The following ERBB4 variants were observed in gnomAD, a reference collection of about 807,000 sequenced individuals.
ERBB4 encodes erb-b2 receptor tyrosine kinase 4.
Under a neutral mutation model 158.0 loss-of-function variants are expected in ERBB4, and 42 were observed. That is an observed-to-expected ratio of 0.27 (90% CI 0.21 to 0.34). The LOEUF (loss-of-function observed/expected upper bound fraction) is 0.34, where lower values mean the gene tolerates loss of function less well. Among genes scored for constraint, ERBB4 ranks in the 10% least tolerant of loss-of-function variants. The pLI is 1.00. For missense variants in ERBB4, 1,333 were observed against 1,624.1 expected (o/e 0.82, Z 3.08); for synonymous variants, 583 against 558.7 (o/e 1.04, Z -0.61).
In ERBB4 at chr2:211,713,668, AGG is replaced by A; in HGVS notation, c.884-22_884-21del. On this transcript the variant is annotated intron_variant, in intron 7 of 27. Transcript: ENST00000342788. ...AGTTATCTGATTAAAAAAAAAAAAA[AGG>A]TAAAATAAGCATTAATGTTAACATT... is the stretch of plus-strand genomic sequence containing the variant. 2.5e-5 allele frequency: 30 copies of A among 1,218,156 alleles called. No homozygotes were observed. Among genetic ancestry groups the A allele is most frequent in the Non-Finnish European group, 3.4e-5 (28 of 830,394 alleles). The allele number at this position is 1,218,156 out of a possible 1,614,324, so 75.5% of individuals were successfully genotyped here.
intron 1 of ERBB4, among the ~76,000 whole-genome samples, chr2:212,395,467 T>C (rs969766594): frequency 6.6e-6 from 1 of 151,958 alleles, no homozygotes; most frequent in Non-Finnish European, 1.5e-5. Context: ...ATCATGATGA[T>C]GAATTCACCT....
At chr2:211,959,837 C>T (rs1452581549) in intron 2 of ERBB4, among the ~76,000 whole-genome samples, 3 of 152,092 alleles carry the variant, frequency 2.0e-5, no homozygotes, top group East Asian at 1.9e-4. Flanking sequence ...TGACCTGGCC[C>T]CTTAGTAGTT....
chr2:212,518,625 G>C (rs1219297230), intron 1 of ERBB4, among the ~76,000 whole-genome samples: 2 of 151,906 alleles, frequency 1.3e-5, no homozygotes. Context: ...AAAAAAATGT[G>C]ATCTTTTTTT....
chr2:212,127,126 A>G (rs1474568456), intron 1 of ERBB4, among the ~76,000 whole-genome samples: 2 of 152,182 alleles, frequency 1.3e-5, no homozygotes, highest in East Asian at 3.9e-4. Context: ...CTTACTTGGA[A>G]ATAGGGTCTT....
At chr2:212,288,697 T>C (rs1574607768) in intron 1 of ERBB4, among the ~76,000 whole-genome samples, 1 of 152,108 alleles carries the variant, frequency 6.6e-6, no homozygotes, top group Non-Finnish European at 1.5e-5. Flanking sequence ...TTTGTCATGG[T>C]TGTGTGACGA....
intron 25 of ERBB4, among the ~76,000 whole-genome samples, chr2:211,398,626 A>AG (rs2062970224): frequency 6.6e-6 from 1 of 152,098 alleles, no homozygotes. Context: ...GCAGATCACA[A>AG]GGTCAGGAGT....
At chr2:211,398,518 C>G (rs920650496) in intron 25 of ERBB4, among the ~76,000 whole-genome samples, 1 of 152,108 alleles carries the variant, frequency 6.6e-6, no homozygotes, top group Non-Finnish European at 1.5e-5. Context: ...TCACTCCAAT[C>G]TAATACTCAT....
intron 18 of ERBB4, among the ~76,000 whole-genome samples, chr2:211,619,767 T>C (rs533162808): frequency 6.6e-6 from 1 of 152,270 alleles, no homozygotes; most frequent in African/African-American, 2.4e-5. Context: ...TCTCATGTTC[T>C]TCAAGTTCAG....
intron 20 of ERBB4, among the ~76,000 whole-genome samples, chr2:211,448,690 T>A (rs2064171639): frequency 6.6e-6 from 1 of 152,126 alleles, no homozygotes. Flanking sequence ...TACAACCCCA[T>A]CAATTTACAC....
At chr2:212,482,737 C>T (rs1689767366) in intron 1 of ERBB4, among the ~76,000 whole-genome samples, 1 of 152,172 alleles carries the variant, frequency 6.6e-6, no homozygotes, top group Admixed American at 6.5e-5. Context: ...CTGCCTCAGC[C>T]TCTTGAGTAG....
chr2:212,442,284 T>G (rs189078883), intron 1 of ERBB4, among the ~76,000 whole-genome samples: 5 of 152,104 alleles, frequency 3.3e-5, no homozygotes, highest in African/African-American at 1.2e-4. Context: ...TCATGGCCCC[T>G]CAACAAATTT....
intron 1 of ERBB4, among the ~76,000 whole-genome samples, chr2:212,309,191 C>A (rs1266782981): frequency 6.6e-6 from 1 of 150,812 alleles, no homozygotes; most frequent in Non-Finnish European, 1.5e-5. Context: ...TAAGTTAACA[C>A]CCTCTGATTT....
At chr2:211,852,295 G>A (rs2077738305) in intron 3 of ERBB4, among the ~76,000 whole-genome samples, 1 of 151,912 alleles carries the variant, frequency 6.6e-6, no homozygotes, top group African/African-American at 2.4e-5. Context: ...AAAATGACTT[G>A]GGGCCAGTAT....
intron 25 of ERBB4, among the ~76,000 whole-genome samples, chr2:211,403,236 T>C (rs2063081482): frequency 6.6e-6 from 1 of 152,196 alleles, no homozygotes; most frequent in Admixed American, 6.6e-5. Context: ...CTGCACATCC[T>C]TTCTTGCTTT....
At chr2:211,402,209 G>A (rs2063058832) in intron 25 of ERBB4, among the ~76,000 whole-genome samples, 1 of 151,852 alleles carries the variant, frequency 6.6e-6, no homozygotes, top group Non-Finnish European at 1.5e-5. Flanking sequence ...TTGTCTTTTA[G>A]GGTAACAAGC....
intron 3 of ERBB4, among the ~76,000 whole-genome samples, chr2:211,824,458 C>A (rs1344426837): frequency 6.6e-6 from 1 of 151,942 alleles, no homozygotes; most frequent in Non-Finnish European, 1.5e-5. Context: ...ACCATTTAGA[C>A]AACTGTCTAT....
chr2:212,193,154 G>A (rs1230083691), intron 1 of ERBB4, among the ~76,000 whole-genome samples: 6 of 152,116 alleles, frequency 3.9e-5, no homozygotes, highest in Admixed American at 2.6e-4. Context: ...CTGATGCAAT[G>A]GCAATGAAGA....
chr2:212,159,269 T>G (rs12464720), intron 1 of ERBB4, among the ~76,000 whole-genome samples: 231 of 100,570 alleles, frequency 2.3e-3, no homozygotes, highest in Middle Eastern at 0.023. Flanking sequence ...TTTTTGTTTT[T>G]TTTTTTTTTT....
chr2:211,427,686 G>C (rs1001061513), intron 22 of ERBB4, among the ~76,000 whole-genome samples: 1 of 151,914 alleles, frequency 6.6e-6, no homozygotes, highest in Admixed American at 6.6e-5. Context: ...TTCTACTATA[G>C]AACATAAATT....
Sources: gnomAD v4.1 joint callset for allele counts (sites outside exome capture counted in the v4.1 genomes callset) on GRCh38, gnomAD v4.1.1 for gene constraint, MANE v1.5 for transcripts, NCBI Gene and HGNC (gene_info 2026-07-23, HGNC 2026-07-21) for gene names.